The following CNTNAP2 variants were observed in gnomAD, a reference collection of about 807,000 sequenced individuals.
CNTNAP2 encodes contactin-associated protein-like 2.
A neutral mutation model predicts 155.2 loss-of-function variants in CNTNAP2; 98 were observed. The observed-to-expected ratio is 0.63, with a 90% CI of 0.54 to 0.75. The LOEUF is 0.75. CNTNAP2 is among the 30% of genes least tolerant of loss of function. The probability of loss-of-function intolerance (pLI) is 0.00; values close to 1 mark genes in which losing one functional copy is unlikely to be tolerated. For missense variants in CNTNAP2, 1,727 were observed against 1,688.1 expected (o/e 1.02, Z -0.40); for synonymous variants, 651 against 631.2 (o/e 1.03, Z -0.47).
In CNTNAP2 at chr7:146,494,203, G is replaced by A. The variant is rs181479596; in HGVS notation, c.98-280068G>A. ...CAAAAAATTAGCTGGGCATGGTGGCGGGCACCTGTAGTCCCAGCTACTCAG... is the reference window on the plus strand; with the variant it reads ...CAAAAAATTAGCTGGGCATGGTGGCAGGCACCTGTAGTCCCAGCTACTCAG... On this transcript the variant is annotated intron_variant, in intron 1 of 23. Coordinates refer to ENST00000361727, the MANE Select transcript of CNTNAP2 (RefSeq NM_014141.6). Among the ~76,000 whole-genome samples, 947 of 151,912 alleles carry A rather than the reference G, an allele frequency of 6.2e-3. 4 individuals carry two copies. The highest frequency in any genetic ancestry group is 0.011 in the Non-Finnish European group (739 of 67,916).
At chr7:146,730,720 G>A (rs949517949) in intron 1 of CNTNAP2, among the ~76,000 whole-genome samples, 1 of 152,094 alleles carries the variant, frequency 6.6e-6, no homozygotes. Context: ...TCAGTGAATA[G>A]AACTCCTACT....
intron 21 of CNTNAP2, among the ~76,000 whole-genome samples, chr7:148,291,259 G>T (rs1364185030): frequency 2.7e-5 from 4 of 149,948 alleles, no homozygotes; most frequent in Non-Finnish European, 1.5e-5. Flanking sequence ...GTTTTAGTCA[G>T]GGTTCTCTAG....
In CNTNAP2 at chr7:146,256,531, G is replaced by T. The variant is rs184940543; in HGVS notation, c.97+139558G>T. On this transcript the variant is annotated intron_variant, in intron 1 of 23. Transcript: ENST00000361727. ...ATAGTTAAGATATTAAAAATATAAC[G>T]AATATTAATTATACAAAAATAATAC... 1.9e-3 allele frequency among the ~76,000 whole-genome samples: 290 copies of T among 151,196 alleles called. 1 individual carries two copies. Among genetic ancestry groups the T allele is most frequent in the African/African-American group, 6.6e-3 (273 of 41,278 alleles).
intron 3 of CNTNAP2, among the ~76,000 whole-genome samples, chr7:146,888,702 C>A (rs912331854): frequency 4.0e-5 from 6 of 151,798 alleles, no homozygotes; most frequent in Non-Finnish European, 8.8e-5. Flanking sequence ...CTTGAGACAA[C>A]ATAGATGATC....
intron 15 of CNTNAP2, among the ~76,000 whole-genome samples, chr7:148,116,690 T>G (rs1329598552): frequency 6.6e-6 from 1 of 152,250 alleles, no homozygotes; most frequent in Non-Finnish European, 1.5e-5. Flanking sequence ...TATTTCATAA[T>G]TTAAAATTAT....
At chr7:148,057,736 A>G (rs1032361749) in intron 15 of CNTNAP2, among the ~76,000 whole-genome samples, 2 of 152,162 alleles carry the variant, frequency 1.3e-5, no homozygotes, top group African/African-American at 4.8e-5. Flanking sequence ...GTATTTCTGC[A>G]GTGTCTCAGA....
intron 1 of CNTNAP2, among the ~76,000 whole-genome samples, chr7:146,598,283 A>G (rs929532591): frequency 6.6e-6 from 1 of 152,078 alleles, no homozygotes; most frequent in African/African-American, 2.4e-5. Flanking sequence ...TATCACTTCC[A>G]TCGTCATAAT....
At chr7:147,489,608 C>T (rs909664642) in intron 11 of CNTNAP2, among the ~76,000 whole-genome samples, 3 of 152,088 alleles carry the variant, frequency 2.0e-5, no homozygotes, top group African/African-American at 7.2e-5. Flanking sequence ...CTCCCAAAAG[C>T]ACTGTAAGAA....
At chr7:147,804,275 T>C (rs1798054958) in intron 13 of CNTNAP2, among the ~76,000 whole-genome samples, 1 of 152,212 alleles carries the variant, frequency 6.6e-6, no homozygotes, top group African/African-American at 2.4e-5. Context: ...AAGCTGTTCA[T>C]GGTTTAAAAA....
chr7:148,137,847 A>G (rs1563211840), intron 16 of CNTNAP2, among the ~76,000 whole-genome samples: 1 of 152,198 alleles, frequency 6.6e-6, no homozygotes, highest in Non-Finnish European at 1.5e-5. Flanking sequence ...AATGCACTGT[A>G]GTTGAAGAGA....
In CNTNAP2 at chr7:146,192,565, C is replaced by T. The variant is rs148949841; in HGVS notation, c.97+75592C>T. Among the ~76,000 whole-genome samples the T allele has an allele frequency of 2.8e-3, 422 of 152,168 alleles. 2 individuals are homozygous for T. Among genetic ancestry groups the T allele is most frequent in the African/African-American group, 9.0e-3 (372 of 41,508 alleles). On this transcript the variant is annotated intron_variant, in intron 1 of 23. Coordinates refer to ENST00000361727, the MANE Select transcript of CNTNAP2 (RefSeq NM_014141.6). ...TCCTCTAACACCATCGTATCTCATG[C>T]GACATATTCACTATCATGAGAACAT... is the stretch of plus-strand genomic sequence containing the variant.
rs150718212 is a variant in CNTNAP2, at chr7:147,091,425, T to C, written c.551-16722T>C. 2.3e-4 allele frequency among the ~76,000 whole-genome samples: 35 copies of C among 152,220 alleles called. 1 individual carries two copies. The highest frequency in any genetic ancestry group is 3.4e-3 in the Middle Eastern group (1 of 294). On this transcript the variant is annotated intron_variant, in intron 4 of 23. Transcript: ENST00000361727. ...GGCATGTGCTATGATTCTAAGTTTA[T>C]ATTAAAGAAACTCAACCATATACTT...
intron 8 of CNTNAP2, among the ~76,000 whole-genome samples, chr7:147,203,273 C>G (rs1297997379): frequency 1.3e-5 from 2 of 152,086 alleles, no homozygotes; most frequent in Non-Finnish European, 2.9e-5. Flanking sequence ...GGGATGGAGT[C>G]TCACTCTGTT....
chr7:147,838,922 G>A (rs939718135), intron 13 of CNTNAP2, among the ~76,000 whole-genome samples: 4 of 152,078 alleles, frequency 2.6e-5, no homozygotes, highest in African/African-American at 4.8e-5. Context: ...GGACAGAACT[G>A]ATAGGATAGA....
At chr7:146,694,406 T>C (rs1800748480) in intron 1 of CNTNAP2, among the ~76,000 whole-genome samples, 1 of 152,218 alleles carries the variant, frequency 6.6e-6, no homozygotes, top group Non-Finnish European at 1.5e-5. Context: ...CAAAGAACTA[T>C]TGATTATATT....
intron 3 of CNTNAP2, among the ~76,000 whole-genome samples, chr7:146,952,319 A>G (rs1347120809): frequency 6.6e-6 from 1 of 152,162 alleles, no homozygotes; most frequent in Non-Finnish European, 1.5e-5. Context: ...CACAGCCAAT[A>G]TCATACTGAA....
At chr7:147,049,949 T>C (rs576653550) in intron 4 of CNTNAP2, among the ~76,000 whole-genome samples, 3 of 152,208 alleles carry the variant, frequency 2.0e-5, no homozygotes, top group Non-Finnish European at 4.4e-5. Flanking sequence ...GTGGAGAATT[T>C]CGTTCCAGGC....
Position 147,265,603 on chromosome 7 carries a change from G to T in CNTNAP2, c.1349-34538G>T, listed in dbSNP as rs112390642. Among the ~76,000 whole-genome samples the T allele has an allele frequency of 2.6e-5, 4 of 152,324 alleles. 1 individual carries two copies. The highest frequency in any genetic ancestry group is 9.6e-5 in the African/African-American group (4 of 41,580). On this transcript the variant is annotated intron_variant, in intron 8 of 23. Transcript: ENST00000361727. The stretch of plus-strand genomic sequence containing the variant: ...CTGCTAGCTCTGAGGAATCCGGACA[G>T]CTCAGACGAGTGGGTTTCCCCCGAG...
At chr7:147,151,693 A>C (rs1012441359) in intron 8 of CNTNAP2, among the ~76,000 whole-genome samples, 1 of 152,210 alleles carries the variant, frequency 6.6e-6, no homozygotes, top group South Asian at 2.1e-4. Context: ...AACTAAAAAA[A>C]AAATCATGTA....
Sources: allele counts gnomAD v4.1 joint callset (sites outside exome capture counted in the v4.1 genomes callset), GRCh38; gene constraint gnomAD v4.1.1; transcripts MANE v1.5; gene names NCBI Gene and HGNC (gene_info 2026-07-23, HGNC 2026-07-21).